TPP2: variants seen among roughly 807,000 people sequenced by gnomAD.
The protein encoded by TPP2 is tripeptidyl peptidase 2, also known as tripeptidyl-peptidase 2.
A neutral mutation model predicts 155.9 loss-of-function variants in TPP2; 34 were observed. The ratio of observed to expected loss-of-function variants is 0.22; its 90% confidence interval spans 0.17 to 0.29. TPP2 has a LOEUF of 0.29. TPP2 is among the 10% of genes least tolerant of loss of function. The pLI is 1.00. For synonymous variants in TPP2, 510 were observed against 529.4 expected (o/e 0.96, Z 0.50); for missense variants, 1,028 against 1,522.3 (o/e 0.68, Z 5.40).
chr13:102,640,849 A>G (rs558732864), intron 16 of TPP2, among the ~76,000 whole-genome samples: 4 of 151,964 alleles, frequency 2.6e-5, no homozygotes, highest in Admixed American at 2.6e-4. Flanking sequence ...ACGAGGTTTC[A>G]CCATGTTGGC....
chr13:102,646,599 G>A (rs920276547), intron 20 of TPP2, among the ~76,000 whole-genome samples: 1 of 152,160 alleles, frequency 6.6e-6, no homozygotes, highest in Admixed American at 6.6e-5. Context: ...GTAATTGAGT[G>A]GTGACCTAGC....
intron 21 of TPP2, among the ~76,000 whole-genome samples, chr13:102,647,883 C>A (rs1478337048): frequency 6.6e-6 from 1 of 152,096 alleles, no homozygotes; most frequent in Non-Finnish European, 1.5e-5. Flanking sequence ...GACATTTTAT[C>A]CCTTAGATAT....
In TPP2 at chr13:102,597,217, C is replaced by T. The variant is rs766433532; in HGVS notation, c.165+14C>T. On this transcript the variant is annotated intron_variant, in intron 1 of 29. Transcript: ENST00000376052. ...CCGGGCATGCAGGTGAGGCGGCCCC[C>T]GAGGGCCCGGGCGCGGGGGCGCGGG... The T allele has an allele frequency of 3.5e-5, 48 of 1,364,908 alleles. No homozygotes were observed. The African/African-American group carries it at 7.1e-4, about 20-fold the overall frequency. 84.5% of individuals were successfully genotyped at this position (1,364,908 alleles called of 1,614,324 possible).
intron 1 of TPP2, among the ~76,000 whole-genome samples, chr13:102,600,280 C>T (rs1205077724): frequency 2.0e-5 from 3 of 152,158 alleles, no homozygotes; most frequent in Admixed American, 6.5e-5. Context: ...TTTCATCTTC[C>T]GTCAGGCTTC....
At chr13:102,673,698 T>C (rs891044480) in intron 27 of TPP2, among the ~76,000 whole-genome samples, 10 of 152,234 alleles carry the variant, frequency 6.6e-5, no homozygotes, top group African/African-American at 2.4e-4. Flanking sequence ...CTGGAGGACC[T>C]TGAACAAATT....
At chr13:102,664,988 G>T in intron 27 of TPP2, 63 bp downstream of exon 27, 1 of 1,584,306 alleles carries the variant, frequency 6.3e-7, no homozygotes. Flanking sequence ...TTAAAAAGTA[G>T]GGACTAATAT....
chr13:102,661,065 C>CA (rs779500332), intron 25 of TPP2, among the ~76,000 whole-genome samples: 3 of 150,836 alleles, frequency 2.0e-5, no homozygotes. Flanking sequence ...TTATATTTGG[C>CA]AAAAGATTTT....
chr13:102,624,772 A>G (rs1002241272), intron 6 of TPP2, among the ~76,000 whole-genome samples: 1 of 151,022 alleles, frequency 6.6e-6, no homozygotes, highest in Admixed American at 6.6e-5. Flanking sequence ...ATCTGTCGAC[A>G]TATATTTTTA....
At chr13:102,656,925 C>A in intron 24 of TPP2, 131 bp from the exon 25 acceptor site, 1 of 945,698 alleles carries the variant, frequency 1.1e-6, no homozygotes, top group Non-Finnish European at 1.5e-6. Context: ...TATTGTGACC[C>A]TTAGAATCTA....
At chr13:102,636,786 C>T (rs1482683351) in intron 13 of TPP2, among the ~76,000 whole-genome samples, 2 of 152,180 alleles carry the variant, frequency 1.3e-5, no homozygotes, top group Non-Finnish European at 2.9e-5. Flanking sequence ...ATAATCATCG[C>T]TATTATCTGG....
Position 102,645,020 on chromosome 13 carries a change from A to G in TPP2, c.2393+11A>G, listed in dbSNP as rs778283051. The stretch of plus-strand genomic sequence containing the variant: ...GGTCCAAACACTGCGGTATCATTCA[A>G]TGTTTTAGGAACTACAGATATTGAA... On this transcript the variant is annotated intron_variant, in intron 19 of 29. Coordinates refer to ENST00000376052, the MANE Select transcript of TPP2 (RefSeq NM_001330588.2). The G allele has an allele frequency of 9.3e-6, 15 of 1,610,332 alleles. No homozygotes were observed. The highest frequency in any genetic ancestry group is 2.7e-5 in the African/African-American group (2 of 74,794).
In TPP2 at chr13:102,603,645, T is replaced by C. The variant is rs1879599416; in HGVS notation, c.166-1148T>C. Among the ~76,000 whole-genome samples, 4 of 152,214 alleles carry C rather than the reference T, an allele frequency of 2.6e-5. No homozygotes were observed. In the South Asian group the frequency reaches 8.3e-4, roughly 32 times the overall value. ...AGGGGTCAGATGGTGCGAGGCTTTTTATGCGAGTATTCTGAGTGCTCCATG... is the reference window on the plus strand; with the variant it reads ...AGGGGTCAGATGGTGCGAGGCTTTTCATGCGAGTATTCTGAGTGCTCCATG... On this transcript the variant is annotated intron_variant, in intron 1 of 29. Transcript: ENST00000376052.
intron 25 of TPP2, among the ~76,000 whole-genome samples, chr13:102,659,594 A>T (rs1884077523): frequency 6.6e-6 from 1 of 152,184 alleles, no homozygotes; most frequent in African/African-American, 2.4e-5. Context: ...TCAACCAATA[A>T]TCCTATATCC....
intron 27 of TPP2, among the ~76,000 whole-genome samples, chr13:102,673,802 C>T (rs1276339207): frequency 6.6e-6 from 1 of 152,198 alleles, no homozygotes; most frequent in Non-Finnish European, 1.5e-5. Context: ...AATGAATTAA[C>T]ATGTTAAAAT....
intron 10 of TPP2, among the ~76,000 whole-genome samples, chr13:102,633,695 A>G (rs1443538711): frequency 1.3e-5 from 2 of 152,222 alleles, no homozygotes; most frequent in African/African-American, 4.8e-5. Flanking sequence ...CCTGTCACAC[A>G]TGCCCAGATA....
Position 102,640,659 on chromosome 13 carries a change from T to C in TPP2, c.2020+283T>C, listed in dbSNP as rs1235076749. Among the ~76,000 whole-genome samples the C allele has an allele frequency of 7.4e-5, 10 of 135,766 alleles. No homozygotes were observed. The East Asian group carries it at 2.1e-3, about 28-fold the overall frequency. The allele number at this position is 135,766 out of a possible 152,430, so 89.1% of individuals were successfully genotyped here. ...GGTAATAATTTTTTTTTTTTTTTTT[T>C]TTTTTTTTTTGAGACAGAGTCTCAC... On this transcript the variant is annotated intron_variant, in intron 16 of 29. Coordinates refer to ENST00000376052, the MANE Select transcript of TPP2 (RefSeq NM_001330588.2).
At chr13:102,642,077 C>T (rs1270153891) in intron 16 of TPP2, among the ~76,000 whole-genome samples, 1 of 152,186 alleles carries the variant, frequency 6.6e-6, no homozygotes, top group Non-Finnish European at 1.5e-5. Flanking sequence ...TAATGGTTAC[C>T]TGGGGGCAGG....
intron 21 of TPP2, 101 bp downstream of exon 21, chr13:102,647,445 C>T (rs1883186273): frequency 7.1e-7 from 1 of 1,399,918 alleles, no homozygotes; most frequent in Admixed American, 2.7e-5. Flanking sequence ...TTAAAAAAAA[C>T]AAAAATTATA....
chr13:102,611,603 G>A (rs930182396), intron 2 of TPP2, among the ~76,000 whole-genome samples: 2 of 152,094 alleles, frequency 1.3e-5, no homozygotes, highest in Non-Finnish European at 2.9e-5. Context: ...AGGTTGCAGT[G>A]AGCCAATATG....
Sources: allele counts gnomAD v4.1 joint callset (sites outside exome capture counted in the v4.1 genomes callset), GRCh38; gene constraint gnomAD v4.1.1; transcripts MANE v1.5; gene names NCBI Gene and HGNC (gene_info 2026-07-23, HGNC 2026-07-21).